The following ABCB10 variants were observed in gnomAD, a reference collection of about 807,000 sequenced individuals.
The protein encoded by ABCB10 is ATP binding cassette subfamily B member 10.
ABCB10 carries 54 observed loss-of-function variants against 65.4 expected under a neutral mutation model. The observed-to-expected ratio is 0.83, with a 90% CI of 0.66 to 1.04. ABCB10 has a LOEUF of 1.04. Ranked by LOEUF, ABCB10 falls within the 50% of genes least tolerant of loss-of-function variation. The pLI is 0.00. For synonymous variants in ABCB10, 418 were observed against 406.5 expected, an observed-to-expected ratio of 1.03 and a Z score of -0.34; for missense variants, 846 against 976.6, an observed-to-expected ratio of 0.87 and a Z score of 1.78.
intron 3 of ABCB10, among the ~76,000 whole-genome samples, chr1:229,543,142 A>C (rs1055194752): frequency 1.3e-5 from 2 of 152,028 alleles, no homozygotes; most frequent in Admixed American, 1.3e-4. Context: ...AAAAAAAAAA[A>C]AAAAAAAACA....
intron 3 of ABCB10, 21 bp from the exon 4 acceptor site, chr1:229,542,392 T>A: frequency 1.9e-6 from 3 of 1,606,476 alleles, no homozygotes; most frequent in Non-Finnish European, 2.5e-6. Flanking sequence ...CAAAAAAAAA[T>A]TCAGAGGTGT....
chr1:229,530,871 C>T (rs1053875968), intron 7 of ABCB10, among the ~76,000 whole-genome samples: 8 of 152,216 alleles, frequency 5.3e-5, no homozygotes, highest in African/African-American at 1.9e-4. Flanking sequence ...AAACGGGGAG[C>T]GCTGCACAGC....
chr1:229,543,964 C>T (rs1662910204), intron 3 of ABCB10, among the ~76,000 whole-genome samples: 1 of 152,212 alleles, frequency 6.6e-6, no homozygotes, highest in Non-Finnish European at 1.5e-5. Context: ...AATGAACCAA[C>T]TGGACAGGTG....
rs1173815962 is a variant in ABCB10 at position 229,558,161 on chromosome 1, C to T, written c.492G>A (p.Ala164=). 1.4e-6 allele frequency: 2 copies of T among 1,433,960 alleles called. No homozygotes were observed. The highest frequency in any genetic ancestry group is 3.1e-5 in the East Asian group (1 of 32,772). 88.8% of individuals were successfully genotyped at this position (1,433,960 alleles called of 1,614,324 possible). ...CTGCCAGCCTCCGGCGCTCAGGGTA[C>T]GCCAGCCCCAGGAGCTTCCGGGCCT... ...LPEARKLLGL[A]YPERRRLAAA... The change falls in exon 1 of 13, where the codon GCG becomes GCA. Residue 164 remains alanine (A), a synonymous_variant. Transcript: ENST00000344517.
chr1:229,558,553 T>C lies in ABCB10; in HGVS notation c.100A>G (p.Ser34Gly). 1 of 1,441,870 alleles carries C rather than the reference T, an allele frequency of 6.9e-7. No homozygotes were observed. The highest frequency in any genetic ancestry group is 9.1e-7 in the Non-Finnish European group (1 of 1,098,892). 89.3% of individuals were successfully genotyped at this position (1,441,870 alleles called of 1,614,324 possible). Reference sequence around the variant, plus strand: ...GGCGATAGGGACCCGGGAACGCGGCTGGCCGCGGCCCACACGCAGGCTACC... The same window carrying C: ...GGCGATAGGGACCCGGGAACGCGGCCGGCCGCGGCCCACACGCAGGCTACC... ...LPVACVWAAA[S>G]RVPGSLSPFT... The change falls in exon 1 of 13, where the codon AGC becomes GGC. Residue 34 changes from serine (S) to glycine (G), a missense_variant. Ser to Gly is a moderately conservative substitution (Grantham distance 56, BLOSUM62 0). This residue lies in a region of ABCB10 where 214 missense variants were observed against 173.5 expected (regional missense o/e 1.23). Transcript: ENST00000344517.
rs2102689260 is a variant in ABCB10, at chr1:229,530,378, T to C, written c.1466A>G (p.Gln489Arg). The change falls in exon 8 of 13, where the codon CAG (glutamine) becomes CGG (arginine). Residue 489 changes from glutamine to arginine, a missense_variant. Coordinates refer to ENST00000344517, the MANE Select transcript of ABCB10 (RefSeq NM_012089.3). ...EGVILNEKSFQGALEFKNVHF... is the reference protein window; with the variant it reads ...EGVILNEKSFRGALEFKNVHF... ...CACGTTCTTAAACTCCAAAGCACCC[T>C]GGAAGCTTTTCTCATTTAAGATGAC... The C allele has an allele frequency of 6.2e-7, 1 of 1,614,192 alleles. No individual in the cohort carries two copies. The highest frequency in any genetic ancestry group is 8.5e-7 in the Non-Finnish European group (1 of 1,180,032).
chr1:229,544,434 A>C (rs1662921926), intron 3 of ABCB10, among the ~76,000 whole-genome samples: 2 of 151,900 alleles, frequency 1.3e-5, no homozygotes, highest in African/African-American at 4.8e-5. Flanking sequence ...AAAAAAAAAA[A>C]AAAAAAAGGA....
At chr1:229,553,967 T>A (rs1663181342) in intron 1 of ABCB10, among the ~76,000 whole-genome samples, 2 of 152,186 alleles carry the variant, frequency 1.3e-5, no homozygotes, top group Non-Finnish European at 2.9e-5. Flanking sequence ...TTAACTATTA[T>A]CTTTATTACT....
chr1:229,556,785 G>A (rs529038282), intron 1 of ABCB10, among the ~76,000 whole-genome samples: 1 of 152,262 alleles, frequency 6.6e-6, no homozygotes, highest in African/African-American at 2.4e-5. Flanking sequence ...TGATGCTCAG[G>A]GTTTCTAAAG....
chr1:229,556,549 CTTGT>C (rs1663251385), intron 1 of ABCB10, among the ~76,000 whole-genome samples: 1 of 152,156 alleles, frequency 6.6e-6, no homozygotes, highest in Non-Finnish European at 1.5e-5. Context: ...GCAGTCTCGT[CTTGT>C]TTAAGGCTGT....
At position 229,539,324 on chromosome 1, in the gene ABCB10, G is replaced by A. The variant is rs115271357; in HGVS notation, c.1339+132C>T. 3.0e-6 allele frequency: 4 copies of A among 1,343,166 alleles called. No individual in the cohort carries two copies. The African/African-American group carries it at 4.4e-5, about 15-fold the overall frequency. The allele number at this position is 1,343,166 out of a possible 1,614,324, so 83.2% of individuals were successfully genotyped here. On this transcript the variant is annotated intron_variant, in intron 6 of 12. Coordinates refer to ENST00000344517, the MANE Select transcript of ABCB10 (RefSeq NM_012089.3). ...ATTTTACTTCTTTAAAAGCCCAGTT[G>A]GAATAATAACATTCTAGGAAATGCT...
In ABCB10 at chr1:229,558,585, A is replaced by T; in HGVS notation, c.68T>A (p.Leu23His). 1 of 1,443,604 alleles carries T rather than the reference A, an allele frequency of 6.9e-7. No individual in the cohort carries two copies. Among genetic ancestry groups the T allele is most frequent in the Non-Finnish European group, 9.1e-7 (1 of 1,100,620 alleles). The allele number at this position is 1,443,604 out of a possible 1,614,324, so 89.4% of individuals were successfully genotyped here. ...EPPSPAEPGRLLPVACVWAAA... is the reference protein window; with the variant it reads ...EPPSPAEPGRHLPVACVWAAA... ...GGCCCACACGCAGGCTACCGGCAGGAGCCGACCTGGCTCGGCAGGGCTCGG... is the reference window on the plus strand; with the variant it reads ...GGCCCACACGCAGGCTACCGGCAGGTGCCGACCTGGCTCGGCAGGGCTCGG... Residue 23 changes from leucine to histidine, a missense_variant, in exon 1 of 13, where the codon CTC (leucine) becomes CAC (histidine). Physicochemically the swap from Leu to His is moderately conservative, Grantham distance 99. This residue lies in a region of ABCB10 where 214 missense variants were observed against 173.5 expected (regional missense o/e 1.23). Transcript: ENST00000344517.
At chr1:229,545,653 G>C (rs542537566) in intron 3 of ABCB10, among the ~76,000 whole-genome samples, 1 of 152,304 alleles carries the variant, frequency 6.6e-6, no homozygotes. Flanking sequence ...TCTAAATATA[G>C]ATCAAGTACT....
At chr1:229,528,796 G>A (rs1452655479) in intron 8 of ABCB10, among the ~76,000 whole-genome samples, 1 of 151,810 alleles carries the variant, frequency 6.6e-6, no homozygotes, top group African/African-American at 2.4e-5. Context: ...CCAAAGTGTT[G>A]CAATTACAGG....
chr1:229,543,681 A>G (rs1048397366), intron 3 of ABCB10, among the ~76,000 whole-genome samples: 3 of 152,224 alleles, frequency 2.0e-5, no homozygotes, highest in Admixed American at 2.0e-4. Context: ...AGAAAGAGAA[A>G]GTATCACTGC....
Position 229,517,277 on chromosome 1 carries a change from T to C in ABCB10, c.*902A>G, listed in dbSNP as rs1223861440. On this transcript the variant is annotated 3_prime_UTR_variant, in exon 13 of 13. Transcript: ENST00000344517. Reference sequence around the variant, plus strand: ...CTGAAAATTAGTTATATTCCTCAAATTTTAGCCTTATTAATGAAATTCCAA... The same window carrying C: ...CTGAAAATTAGTTATATTCCTCAAACTTTAGCCTTATTAATGAAATTCCAA... 1 of 152,232 alleles carries C rather than the reference T, an allele frequency of 6.6e-6. No homozygotes were observed. The highest frequency in any genetic ancestry group is 1.5e-5 in the Non-Finnish European group (1 of 68,032). 9.4% of individuals were successfully genotyped at this position (152,232 alleles called of 1,614,324 possible).
Position 229,518,358 on chromosome 1 carries a change from T to C in ABCB10, c.2038A>G (p.Met680Val). The C allele has an allele frequency of 1.2e-6, 2 of 1,614,208 alleles. No homozygotes were observed. The highest frequency in any genetic ancestry group is 1.1e-5 in the South Asian group (1 of 91,082). The change falls in exon 13 of 13, where the codon ATG becomes GTG. Residue 680 changes from methionine to valine, a missense_variant. By Grantham distance (21) the Met-to-Val change is conservative. This residue lies in a region of ABCB10 where 632 missense variants were observed against 803.2 expected (regional missense o/e 0.79). Coordinates refer to ENST00000344517, the MANE Select transcript of ABCB10 (RefSeq NM_012089.3). ...YLVQEALDRL[M>V]DGRTVLVIAH... ...ATAACTAACACCGTTCTTCCATCCA[T>C]CAGTCGATCTAGAGCTTCTTGAACA...
chr1:229,556,868 G>A (rs1396603171), intron 1 of ABCB10, among the ~76,000 whole-genome samples: 3 of 152,134 alleles, frequency 2.0e-5, no homozygotes, highest in Non-Finnish European at 2.9e-5. Flanking sequence ...GCTCTGTGCC[G>A]TGCACATGCT....
rs1335193725 is a variant in ABCB10, at chr1:229,517,463, G to A, written c.*716C>T. On this transcript the variant is annotated 3_prime_UTR_variant, in exon 13 of 13. Transcript: ENST00000344517. ...TTCGCAAAAGTACTCATACAAACAT[G>A]TGAATTTAAAAAACATGTTTTCCTG... 2 of 152,176 alleles carry A rather than the reference G, an allele frequency of 1.3e-5. No individual in the cohort carries two copies. Among genetic ancestry groups the A allele is most frequent in the African/African-American group, 4.8e-5 (2 of 41,422 alleles). 9.4% of individuals were successfully genotyped at this position (152,176 alleles called of 1,614,324 possible).
Sources: allele counts gnomAD v4.1 joint callset (sites outside exome capture counted in the v4.1 genomes callset), GRCh38; gene constraint gnomAD v4.1.1; regional missense constraint gnomAD v4.1.1; transcripts MANE v1.5; gene names NCBI Gene and HGNC (gene_info 2026-07-23, HGNC 2026-07-21).